Variants in CCDC146 observed in about 807,000 individuals in gnomAD.
The protein encoded by CCDC146 is coiled-coil domain containing 146, also known as coiled-coil domain-containing protein 146.
Under a neutral mutation model 119.3 loss-of-function variants are expected in CCDC146, and 92 were observed. That is an observed-to-expected ratio of 0.77 (90% confidence interval 0.65 to 0.92). The LOEUF is 0.92. CCDC146 is among the 40% of genes least tolerant of loss of function. The pLI, the probability that CCDC146 is intolerant of heterozygous loss-of-function variation, is 0.00. For missense variants in CCDC146, 1,000 were observed against 1,103.0 expected (o/e 0.91, Z 1.32); for synonymous variants, 372 against 371.8 (o/e 1.00, Z -0.01).
At position 77,153,599 on chromosome 7, in the gene CCDC146, A is replaced by T. The variant is rs373552256; in HGVS notation, c.-11-14059A>T. Among the ~76,000 whole-genome samples, 189 of 149,362 alleles carry T rather than the reference A, an allele frequency of 1.3e-3. 1 individual carries two copies. In the East Asian group the frequency reaches 0.019, roughly 15 times the overall value. Reference sequence around the variant, plus strand: ...AATGTGTAATGAGAAACACTTCAAGATATAGCTATTGAAATGGCTAGAATT... The same window carrying T: ...AATGTGTAATGAGAAACACTTCAAGTTATAGCTATTGAAATGGCTAGAATT... On this transcript the variant is annotated intron_variant, in intron 1 of 18. Coordinates refer to ENST00000285871, the MANE Select transcript of CCDC146 (RefSeq NM_020879.3).
intron 1 of CCDC146, among the ~76,000 whole-genome samples, chr7:77,145,780 A>G (rs1791007815): frequency 6.6e-6 from 1 of 152,092 alleles, no homozygotes; most frequent in Admixed American, 6.5e-5. Flanking sequence ...GTGGTCTGAG[A>G]GACAATTTGT....
chr7:77,194,605 C>G (rs1291433193), intron 2 of CCDC146: 2 of 151,896 alleles, frequency 1.3e-5, no homozygotes, highest in African/African-American at 4.8e-5. Context: ...AGCTTGTTAC[C>G]TGAAGCAACT....
intron 1 of CCDC146, among the ~76,000 whole-genome samples, chr7:77,158,248 G>A (rs1428138781): frequency 6.6e-6 from 1 of 152,068 alleles, no homozygotes; most frequent in Non-Finnish European, 1.5e-5. Context: ...TTCTTTATAG[G>A]AAAACTCAAT....
Position 77,294,871 on chromosome 7 carries a change from G to A in CCDC146, c.*5G>A. The A allele has an allele frequency of 1.2e-6, 2 of 1,612,126 alleles. No individual in the cohort carries two copies. The highest frequency in any genetic ancestry group is 8.5e-7 in the Non-Finnish European group (1 of 1,179,170). Reference sequence around the variant, plus strand: ...ATAAAGCCAGTTGAAATCTGAATATGTGAACAAATCCAGGCCTCTCAAGGA... The same window carrying A: ...ATAAAGCCAGTTGAAATCTGAATATATGAACAAATCCAGGCCTCTCAAGGA... On this transcript the variant is annotated 3_prime_UTR_variant, in exon 19 of 19. Coordinates refer to ENST00000285871, the MANE Select transcript of CCDC146 (RefSeq NM_020879.3).
rs759876002 is a variant in CCDC146 at position 77,259,085 on chromosome 7, T to C, written c.758+17T>C. 29 of 1,468,194 alleles carry C rather than the reference T, an allele frequency of 2.0e-5. No individual in the cohort carries two copies. In the South Asian group the frequency reaches 3.2e-4, roughly 16 times the overall value. The allele number at this position is 1,468,194 out of a possible 1,614,324, so 90.9% of individuals were successfully genotyped here. ...CAAAAAAGTGTATGATTTAATATTT[T>C]TACTTTGAATCCCTGCCAGTCCAAG... is the stretch of plus-strand genomic sequence containing the variant. On this transcript the variant is annotated intron_variant, in intron 7 of 18. Coordinates refer to ENST00000285871, the MANE Select transcript of CCDC146 (RefSeq NM_020879.3).
intron 11 of CCDC146, among the ~76,000 whole-genome samples, chr7:77,277,601 A>C (rs1177253982): frequency 6.6e-6 from 1 of 152,240 alleles, no homozygotes; most frequent in Non-Finnish European, 1.5e-5. Context: ...AAGAAAAAAA[A>C]ACAATGTCAC....
At chr7:77,266,357 A>T (rs959105193) in intron 9 of CCDC146, among the ~76,000 whole-genome samples, 10 of 152,218 alleles carry the variant, frequency 6.6e-5, no homozygotes, top group Non-Finnish European at 1.2e-4. Flanking sequence ...GGCAATGATA[A>T]CAACATACTA....
chr7:77,237,149 G>A (rs1277515957), intron 3 of CCDC146, 120 bp downstream of exon 3: 1 of 777,358 alleles, frequency 1.3e-6, no homozygotes, highest in East Asian at 2.7e-5. Flanking sequence ...TTTGCGTTCA[G>A]GGAGTTTGAG....
intron 1 of CCDC146, among the ~76,000 whole-genome samples, chr7:77,162,913 A>C (rs1246541963): frequency 1.3e-5 from 2 of 152,140 alleles, no homozygotes; most frequent in African/African-American, 2.4e-5. Context: ...GATGATCTCT[A>C]TCAGAACTCT....
chr7:77,215,326 A>G (rs1412436624), intron 2 of CCDC146, among the ~76,000 whole-genome samples: 1 of 151,804 alleles, frequency 6.6e-6, no homozygotes, highest in Non-Finnish European at 1.5e-5. Flanking sequence ...ATGACTCCAA[A>G]TCCCTTTGAC....
chr7:77,186,114 C>G (rs1791662790), intron 2 of CCDC146, among the ~76,000 whole-genome samples: 1 of 152,092 alleles, frequency 6.6e-6, no homozygotes, highest in South Asian at 2.1e-4. Flanking sequence ...ATAGAGCTAC[C>G]ATATGACCAA....
At chr7:77,278,882 A>G (rs3828947) in intron 12 of CCDC146, 42 bp downstream of exon 12, 14 of 1,594,352 alleles carry the variant, frequency 8.8e-6, no homozygotes, top group Admixed American at 1.7e-5. Flanking sequence ...AGGTGAGGGG[A>G]AAAAAACCTG....
chr7:77,287,053 C>T, intron 16 of CCDC146, 127 bp downstream of exon 16: 1 of 1,021,900 alleles, frequency 9.8e-7, no homozygotes, highest in Non-Finnish European at 1.4e-6. Context: ...TAATATAGTC[C>T]TTTTGTTGTA....
chr7:77,143,177 A>T (rs1335678752), intron 1 of CCDC146, among the ~76,000 whole-genome samples: 1 of 151,846 alleles, frequency 6.6e-6, no homozygotes, highest in East Asian at 1.9e-4. Context: ...GATGAAGAGC[A>T]TTTTTTCATG....
intron 1 of CCDC146, among the ~76,000 whole-genome samples, chr7:77,157,274 A>G (rs1791192867): frequency 8.1e-6 from 1 of 124,138 alleles, no homozygotes; most frequent in South Asian, 2.8e-4. Flanking sequence ...TGTTTCTAAA[A>G]TGAGCAAAAC....
At chr7:77,267,525 CT>C (rs74781634) in intron 9 of CCDC146, among the ~76,000 whole-genome samples, 5,879 of 149,696 alleles carry the variant, frequency 0.039, 392 homozygotes, top group African/African-American at 0.13. Flanking sequence ...TAGACTTGAT[CT>C]TTTTTTTTTT....
Position 77,294,982 on chromosome 7 carries a change from C to A in CCDC146, c.*116C>A. On this transcript the variant is annotated 3_prime_UTR_variant, in exon 19 of 19. Transcript: ENST00000285871. ...ATATTATTGATAAGTAAGGTAACCA[C>A]AATTAGTCAGCAACAGAGTACAACA... 1.3e-6 allele frequency: 1 copy of A among 798,562 alleles called. No homozygotes were observed. Among genetic ancestry groups the A allele is most frequent in the East Asian group, 2.7e-5 (1 of 37,454 alleles). 49.5% of individuals were successfully genotyped at this position (798,562 alleles called of 1,614,324 possible).
rs757553658 is a variant in CCDC146 at position 77,294,713 on chromosome 7, T to G, written c.2715T>G (p.Thr905=). ...NRQLPNGVYT[T]AEQRPNAYIP... is the part of the protein sequence containing the mutation. ...AGCTGCCCAATGGTGTTTACACAAC[T>G]GCAGAGCAGCGTCCGAATGCCTACA... Residue 905 remains threonine (T), a synonymous_variant, in exon 19 of 19, where the codon ACT becomes ACG. Transcript: ENST00000285871. 17 of 1,614,086 alleles carry G rather than the reference T, an allele frequency of 1.1e-5. No individual in the cohort carries two copies. The highest frequency in any genetic ancestry group is 4.5e-5 in the East Asian group (2 of 44,898).
At chr7:77,171,803 G>C (rs751753357) in intron 2 of CCDC146, among the ~76,000 whole-genome samples, 43 of 152,190 alleles carry the variant, frequency 2.8e-4, no homozygotes, top group Non-Finnish European at 5.0e-4. Flanking sequence ...TGTAGCAAAA[G>C]TTATGCTAAT....
Sources: gnomAD v4.1 joint callset for allele counts (sites outside exome capture counted in the v4.1 genomes callset) on GRCh38, gnomAD v4.1.1 for gene constraint, MANE v1.5 for transcripts, NCBI Gene and HGNC (gene_info 2026-07-23, HGNC 2026-07-21) for gene names.